GFRA2: variants seen among roughly 807,000 people sequenced by gnomAD.
GFRA2 encodes the protein GDNF family receptor alpha-2.
A neutral mutation model predicts 48.3 loss-of-function variants in GFRA2; 17 were observed. The observed-to-expected ratio is 0.35, with a 90% CI of 0.24 to 0.53. GFRA2 has a LOEUF of 0.53. Among genes scored for constraint, GFRA2 ranks in the 20% least tolerant of loss-of-function variants. The probability of loss-of-function intolerance (pLI) is 0.93; values close to 1 mark genes in which losing one functional copy is unlikely to be tolerated. For missense variants in GFRA2, 660 were observed against 637.3 expected (o/e 1.04, Z -0.38); for synonymous variants, 305 against 257.2 (o/e 1.19, Z -1.78).
At chr8:21,762,784 G>T (rs1396690853) in intron 3 of GFRA2, among the ~76,000 whole-genome samples, 1 of 152,026 alleles carries the variant, frequency 6.6e-6, no homozygotes, top group Non-Finnish European at 1.5e-5. Context: ...CTTTTGAGTG[G>T]CCTATTTCTT....
intron 3 of GFRA2, among the ~76,000 whole-genome samples, chr8:21,770,966 T>G (rs1806409029): frequency 6.6e-6 from 1 of 152,148 alleles, no homozygotes; most frequent in Non-Finnish European, 1.5e-5. Context: ...AGCCTGGGGA[T>G]GAGGAGGATG....
intron 4 of GFRA2, among the ~76,000 whole-genome samples, chr8:21,711,046 C>T (rs911608961): frequency 3.3e-5 from 5 of 152,220 alleles, no homozygotes; most frequent in Non-Finnish European, 7.3e-5. Context: ...CACTGTCCCA[C>T]TCCAGCCATG....
At chr8:21,712,108 A>G (rs370156676) in intron 4 of GFRA2, among the ~76,000 whole-genome samples, 3 of 151,402 alleles carry the variant, frequency 2.0e-5, no homozygotes, top group Middle Eastern at 3.4e-3. Context: ...GCAACCATCC[A>G]ATTTCTCAAT....
upstream of GFRA2, among the ~76,000 whole-genome samples, chr8:21,791,315 C>T (rs372175696): frequency 1.3e-5 from 2 of 152,088 alleles, no homozygotes; most frequent in East Asian, 3.9e-4. Context: ...GGCCCTTCTG[C>T]GACCCAAGAC....
At chr8:21,715,396 C>T (rs1216653262) in intron 4 of GFRA2, among the ~76,000 whole-genome samples, 1 of 152,218 alleles carries the variant, frequency 6.6e-6, no homozygotes, top group Non-Finnish European at 1.5e-5. Context: ...GCAACCTCCG[C>T]TTCCCAGGTT....
intron 4 of GFRA2, among the ~76,000 whole-genome samples, chr8:21,731,939 C>G (rs1804217070): frequency 6.6e-6 from 1 of 152,216 alleles, no homozygotes; most frequent in Admixed American, 6.5e-5. Context: ...CACCCAGAGT[C>G]AAGAATAACA....
At position 21,704,313 on chromosome 8, in the gene GFRA2, C is replaced by A. The variant is rs551305887; in HGVS notation, c.1045+672G>T. ...ATCCCCATCCTGGGCTCCTCAAGAA[C>A]CCTGTGCAGACCCCCCGCCCAGAGC... On this transcript the variant is annotated intron_variant, in intron 6 of 8. Coordinates refer to ENST00000524240, the MANE Select transcript of GFRA2 (RefSeq NM_001495.5). Among the ~76,000 whole-genome samples the A allele has an allele frequency of 7.9e-5, 12 of 152,330 alleles. No individual in the cohort carries two copies. In the South Asian group the frequency reaches 2.1e-3, roughly 26 times the overall value.
intron 3 of GFRA2, among the ~76,000 whole-genome samples, chr8:21,756,906 G>A (rs375759937): frequency 1.3e-5 from 2 of 152,144 alleles, no homozygotes; most frequent in African/African-American, 4.8e-5. Flanking sequence ...GTGCTCCAGC[G>A]CCAGCCCTGG....
intron 4 of GFRA2, among the ~76,000 whole-genome samples, chr8:21,709,366 C>T (rs1264312453): frequency 2.6e-5 from 4 of 152,224 alleles, no homozygotes; most frequent in Non-Finnish European, 4.4e-5. Flanking sequence ...TGATTTTGCC[C>T]TACTGGGTTT....
intron 3 of GFRA2, among the ~76,000 whole-genome samples, chr8:21,754,975 G>A (rs1168545742): frequency 6.6e-6 from 1 of 152,152 alleles, no homozygotes; most frequent in Non-Finnish European, 1.5e-5. Context: ...AAGGAGACAT[G>A]TATCACACCC....
intron 4 of GFRA2, among the ~76,000 whole-genome samples, chr8:21,748,910 C>T (rs1485906973): frequency 1.3e-5 from 2 of 152,196 alleles, no homozygotes; most frequent in Non-Finnish European, 2.9e-5. Flanking sequence ...CACCCTGTGC[C>T]ATGCTTTTCC....
chr8:21,774,547 A>C (rs973545297), intron 3 of GFRA2, among the ~76,000 whole-genome samples: 9 of 152,148 alleles, frequency 5.9e-5, no homozygotes, highest in African/African-American at 2.2e-4. Flanking sequence ...ACCCACTTAG[A>C]CCTCGCAGCA....
At chr8:21,778,237 C>G (rs1023883427) in intron 2 of GFRA2, among the ~76,000 whole-genome samples, 7 of 152,160 alleles carry the variant, frequency 4.6e-5, no homozygotes, top group East Asian at 3.9e-4. Flanking sequence ...CTCGCAGCCT[C>G]CCTCAGGGAG....
rs1801849191 is a variant in GFRA2, at chr8:21,690,620, C to G, written c.*2658G>C. 1 of 152,198 alleles carries G rather than the reference C, an allele frequency of 6.6e-6. No homozygotes were observed. Among genetic ancestry groups the G allele is most frequent in the African/African-American group, 2.4e-5 (1 of 41,436 alleles). The allele number at this position is 152,198 out of a possible 1,614,324, so 9.4% of individuals were successfully genotyped here. ...TTCCTCTTGGGAAATTTTCTCTCCC[C>G]CATGATGTAGCCTAAGGGCTTACCT... On this transcript the variant is annotated 3_prime_UTR_variant, in exon 9 of 9. Transcript: ENST00000524240.
intron 1 of GFRA2, among the ~76,000 whole-genome samples, chr8:21,785,079 T>C (rs1293890264): frequency 6.6e-6 from 1 of 152,186 alleles, no homozygotes; most frequent in Non-Finnish European, 1.5e-5. Context: ...GGCTGCACTG[T>C]CATGGGGGCC....
intron 4 of GFRA2, among the ~76,000 whole-genome samples, chr8:21,718,558 T>G (rs1461624582): frequency 6.6e-6 from 1 of 152,154 alleles, no homozygotes; most frequent in Non-Finnish European, 1.5e-5. Context: ...GTGATTAACA[T>G]TAGGAGGCTC....
Position 21,788,332 on chromosome 8 carries a change from C to T in GFRA2, c.-173G>A. Reference sequence around the variant, plus strand: ...CGAGTCCTGCGATTCTCGCCTCTGGCTGGAGGGGGTGGGGTGAGAGGCGGG... The same window carrying T: ...CGAGTCCTGCGATTCTCGCCTCTGGTTGGAGGGGGTGGGGTGAGAGGCGGG... On this transcript the variant is annotated 5_prime_UTR_variant, in exon 1 of 9. Coordinates refer to ENST00000524240, the MANE Select transcript of GFRA2 (RefSeq NM_001495.5). 2 of 1,378,562 alleles carry T rather than the reference C, an allele frequency of 1.5e-6. No homozygotes were observed. The highest frequency in any genetic ancestry group is 1.9e-6 in the Non-Finnish European group (2 of 1,069,020). 85.4% of individuals were successfully genotyped at this position (1,378,562 alleles called of 1,614,324 possible).
Position 21,725,885 on chromosome 8 carries a change from C to G in GFRA2, c.795-19844G>C, listed in dbSNP as rs1803845574. Among the ~76,000 whole-genome samples the G allele has an allele frequency of 2.6e-5, 4 of 152,204 alleles. No homozygotes were observed. In the South Asian group the frequency reaches 8.3e-4, roughly 32 times the overall value. On this transcript the variant is annotated intron_variant, in intron 4 of 8. Transcript: ENST00000524240. ...CCGCTGGGGTTGGGTGTGGTAATGGCAGCAGAATCCGAGCAAGACCCCAGG... is the reference window on the plus strand; with the variant it reads ...CCGCTGGGGTTGGGTGTGGTAATGGGAGCAGAATCCGAGCAAGACCCCAGG...
In GFRA2 at chr8:21,705,084, C is replaced by T; in HGVS notation, c.946G>A (p.Gly316Ser). The T allele has an allele frequency of 1.2e-6, 2 of 1,611,074 alleles. No individual in the cohort carries two copies. Among genetic ancestry groups the T allele is most frequent in the Non-Finnish European group, 1.7e-6 (2 of 1,179,160 alleles). The change falls in exon 6 of 9, where the codon GGC becomes AGC. Residue 316 changes from glycine to serine, a missense_variant. Physicochemically the swap from Gly to Ser is moderately conservative, Grantham distance 56. Transcript: ENST00000524240. ...CTGCACCAGGGGGACACCACGATGC[C>T]AGTGGGGCTGGAGTCCACATAGTTA... ...TPNYVDSSPT[G>S]IVVSPWCSCR...
Sources: allele counts gnomAD v4.1 joint callset (sites outside exome capture counted in the v4.1 genomes callset), GRCh38; gene constraint gnomAD v4.1.1; transcripts MANE v1.5; gene names NCBI Gene and HGNC (gene_info 2026-07-23, HGNC 2026-07-21).